The following THSD7B variants were observed in gnomAD, a reference collection of about 807,000 sequenced individuals.
THSD7B encodes the protein thrombospondin type-1 domain-containing protein 7B.
In THSD7B, 138 loss-of-function variants were observed where a neutral mutation model predicts 213.6. The observed-to-expected ratio is 0.65, with a 90% confidence interval of 0.56 to 0.74. The LOEUF (loss-of-function observed/expected upper bound fraction) is 0.74. Ranked by LOEUF, THSD7B falls within the 30% of genes least tolerant of loss-of-function variation. THSD7B has a pLI of 0.00. For synonymous variants in THSD7B, 742 were observed against 687.0 expected, an observed-to-expected ratio of 1.08 and a Z score of -1.25; for missense variants, 1,931 against 1,991.5, an observed-to-expected ratio of 0.97 and a Z score of 0.58.
intron 10 of THSD7B, among the ~76,000 whole-genome samples, chr2:137,267,806 C>T (rs868730277): frequency 2.0e-5 from 3 of 152,208 alleles, no homozygotes; most frequent in Non-Finnish European, 2.9e-5. Context: ...ATATGTTTTA[C>T]ACACATAGGT....
chr2:137,200,723 T>C (rs1422320141), intron 7 of THSD7B, among the ~76,000 whole-genome samples: 1 of 152,082 alleles, frequency 6.6e-6, no homozygotes, highest in Non-Finnish European at 1.5e-5. Flanking sequence ...AGCACAATCA[T>C]AGCTTACTGC....
chr2:137,011,132 A>T (rs979976), intron 2 of THSD7B, among the ~76,000 whole-genome samples: 1 of 151,884 alleles, frequency 6.6e-6, no homozygotes, highest in Non-Finnish European at 1.5e-5. Context: ...TAAGTATATG[A>T]CTTGCCAGAG....
chr2:137,534,018 GCACACACACACACA>G (rs1158544636), intron 15 of THSD7B, among the ~76,000 whole-genome samples: 1 of 113,488 alleles, frequency 8.8e-6, no homozygotes, highest in Non-Finnish European at 2.0e-5. Context: ...GTGTGTGCGC[GCACACACACACACA>G]CACACACACA....
chr2:137,246,812 A>G (rs1404196927), intron 10 of THSD7B, among the ~76,000 whole-genome samples: 3 of 152,014 alleles, frequency 2.0e-5, no homozygotes, highest in Non-Finnish European at 2.9e-5. Flanking sequence ...AGCCTACAAA[A>G]CAAATGCCTG....
Position 137,525,900 on chromosome 2 carries a change from T to G in THSD7B, c.3139-37321T>G, listed in dbSNP as rs546687727. ...TTTAGGAGCCACATAAAAGCTAGCT[T>G]CACCCAGCCCTTGTCACAGTTGGTA... On this transcript the variant is annotated intron_variant, in intron 15 of 27. Coordinates refer to ENST00000409968, the MANE Select transcript of THSD7B (RefSeq NM_001316349.2). Among the ~76,000 whole-genome samples, 5 of 152,198 alleles carry G rather than the reference T, an allele frequency of 3.3e-5. No homozygotes were observed. The East Asian group carries it at 5.8e-4, about 18-fold the overall frequency.
intron 14 of THSD7B, among the ~76,000 whole-genome samples, chr2:137,429,381 G>A (rs574750120): frequency 8.3e-4 from 126 of 152,162 alleles, no homozygotes; most frequent in Admixed American, 4.6e-3. Context: ...ACAATTCAAA[G>A]GAATAGTTGA....
intron 15 of THSD7B, among the ~76,000 whole-genome samples, chr2:137,515,398 T>C (rs950160663): frequency 6.6e-6 from 1 of 152,126 alleles, no homozygotes; most frequent in Non-Finnish European, 1.5e-5. Flanking sequence ...CAAAACAATA[T>C]TGATTCTCCT....
intron 1 of THSD7B, among the ~76,000 whole-genome samples, chr2:136,800,564 CAGTT>C (rs1682158429): frequency 6.6e-6 from 1 of 152,004 alleles, no homozygotes; most frequent in Non-Finnish European, 1.5e-5. Context: ...GTTAATCACA[CAGTT>C]AGGTGAAACT....
At chr2:136,867,802 C>A (rs1215381114) in intron 1 of THSD7B, among the ~76,000 whole-genome samples, 1 of 152,136 alleles carries the variant, frequency 6.6e-6, no homozygotes, top group Admixed American at 6.6e-5. Context: ...AACTTTACTT[C>A]TTTCTCTGGG....
intron 2 of THSD7B, among the ~76,000 whole-genome samples, chr2:136,946,139 G>A (rs1684932753): frequency 6.6e-6 from 1 of 152,062 alleles, no homozygotes; most frequent in Non-Finnish European, 1.5e-5. Flanking sequence ...CTACATATGG[G>A]GTTTTGGTGT....
chr2:137,001,275 G>A (rs1685993247), intron 2 of THSD7B, among the ~76,000 whole-genome samples: 1 of 152,058 alleles, frequency 6.6e-6, no homozygotes, highest in Non-Finnish European at 1.5e-5. Context: ...CATACAAGAA[G>A]CACTGAATTC....
chr2:137,582,964 A>C (rs1049789372), intron 17 of THSD7B, among the ~76,000 whole-genome samples: 1 of 152,184 alleles, frequency 6.6e-6, no homozygotes, highest in Non-Finnish European at 1.5e-5. Context: ...CAACAGTGTA[A>C]AAGTGTTCCT....
At chr2:136,907,303 TA>T (rs1684181965) in intron 2 of THSD7B, among the ~76,000 whole-genome samples, 1 of 152,216 alleles carries the variant, frequency 6.6e-6, no homozygotes, top group African/African-American at 2.4e-5. Context: ...CATTTGAATA[TA>T]TTTTTTATTA....
chr2:137,078,208 A>G (rs1687670658), intron 3 of THSD7B, among the ~76,000 whole-genome samples: 1 of 152,166 alleles, frequency 6.6e-6, no homozygotes, highest in Non-Finnish European at 1.5e-5. Context: ...TACCAGTTCC[A>G]TGCTGTTTTG....
At chr2:137,593,465 A>AT (rs773562098) in intron 17 of THSD7B, among the ~76,000 whole-genome samples, 41 of 151,924 alleles carry the variant, frequency 2.7e-4, no homozygotes, top group Non-Finnish European at 3.8e-4. Flanking sequence ...AATTTTAGCT[A>AT]TTCTGCTGGA....
At chr2:137,253,092 A>C (rs1337339028) in intron 10 of THSD7B, among the ~76,000 whole-genome samples, 1 of 152,012 alleles carries the variant, frequency 6.6e-6, no homozygotes, top group Non-Finnish European at 1.5e-5. Context: ...GTATGATCTG[A>C]GTCTGATATT....
chr2:136,803,788 A>G (rs1003291955), intron 1 of THSD7B, among the ~76,000 whole-genome samples: 4 of 152,154 alleles, frequency 2.6e-5, no homozygotes, highest in Admixed American at 2.6e-4. Context: ...TCAGTAGACA[A>G]TGATTATGTA....
intron 5 of THSD7B, among the ~76,000 whole-genome samples, chr2:137,136,184 G>T (rs1037650268): frequency 6.6e-6 from 1 of 152,098 alleles, no homozygotes; most frequent in Non-Finnish European, 1.5e-5. Context: ...AGCATTAGGA[G>T]AAATATTTCA....
chr2:137,431,201 A>G (rs914858354), intron 14 of THSD7B, among the ~76,000 whole-genome samples: 1 of 152,198 alleles, frequency 6.6e-6, no homozygotes, highest in African/African-American at 2.4e-5. Flanking sequence ...TGATCTAGAA[A>G]GTGAGACAAC....
Sources: allele counts gnomAD v4.1 joint callset (sites outside exome capture counted in the v4.1 genomes callset), GRCh38; gene constraint gnomAD v4.1.1; transcripts MANE v1.5; gene names NCBI Gene and HGNC (gene_info 2026-07-23, HGNC 2026-07-21).